SPIDR: variants seen among roughly 807,000 people sequenced by gnomAD.
SPIDR encodes the protein DNA repair-scaffolding protein.
Under a neutral mutation model 104.6 loss-of-function variants are expected in SPIDR, and 93 were observed. The ratio of observed to expected loss-of-function variants is 0.89; its 90% CI spans 0.75 to 1.06. SPIDR has a LOEUF of 1.06. SPIDR is among the 50% of genes least tolerant of loss of function. The probability of loss-of-function intolerance (pLI) is 0.00; values close to 1 mark genes in which losing one functional copy is unlikely to be tolerated. For synonymous variants in SPIDR, 431 were observed against 416.9 expected (o/e 1.03, Z -0.41); for missense variants, 1,154 against 1,111.2 (o/e 1.04, Z -0.55).
At chr8:47,269,131 C>T (rs1449415970) in intron 1 of SPIDR, among the ~76,000 whole-genome samples, 3 of 148,774 alleles carry the variant, frequency 2.0e-5, no homozygotes, top group Admixed American at 6.7e-5. Context: ...TGTGCTACTG[C>T]ACTCCAGCCT....
intron 8 of SPIDR, among the ~76,000 whole-genome samples, chr8:47,474,007 T>G (rs1395467788): frequency 3.3e-5 from 5 of 152,158 alleles, no homozygotes; most frequent in African/African-American, 1.2e-4. Flanking sequence ...GCTAAATTGG[T>G]GCCAAGCAGA....
intron 10 of SPIDR, among the ~76,000 whole-genome samples, chr8:47,666,795 G>A (rs920381873): frequency 1.3e-5 from 2 of 152,114 alleles, no homozygotes; most frequent in African/African-American, 4.8e-5. Context: ...AATGCAATAA[G>A]AGTTAATAAC....
intron 6 of SPIDR, among the ~76,000 whole-genome samples, chr8:47,397,294 G>A (rs1472220839): frequency 1.2e-4 from 18 of 152,110 alleles, no homozygotes; most frequent in Non-Finnish European, 7.4e-5. Context: ...TCAGGAGTTC[G>A]AGACCAGCCT....
At chr8:47,276,719 A>G (rs2036503620) in intron 1 of SPIDR, 3 of 152,236 alleles carry the variant, frequency 2.0e-5, no homozygotes. Context: ...GATGGCGTCA[A>G]GGTGAGGGAG....
rs1400841005 is a variant in SPIDR, at chr8:47,735,411, C to T, written c.2709C>T (p.Ile903=). ...CCAGCTGCATTGGATTGGAGGAAATCGAGCTTCTGAGTGCAGGAGGGGCCT... is the reference window on the plus strand; with the variant it reads ...CCAGCTGCATTGGATTGGAGGAAATTGAGCTTCTGAGTGCAGGAGGGGCCT... ...HPTSCIGLEE[I]ELLSAGGASA... Residue 903 remains isoleucine (I), a synonymous_variant, in exon 20 of 20, where the codon ATC becomes ATT. Coordinates refer to ENST00000297423, the MANE Select transcript of SPIDR (RefSeq NM_001080394.4). 1.9e-6 allele frequency: 3 copies of T among 1,614,016 alleles called. No individual in the cohort carries two copies. Among genetic ancestry groups the T allele is most frequent in the Non-Finnish European group, 2.5e-6 (3 of 1,180,036 alleles).
intron 11 of SPIDR, among the ~76,000 whole-genome samples, chr8:47,681,439 T>G (rs1002439890): frequency 6.6e-6 from 1 of 152,176 alleles, no homozygotes; most frequent in Non-Finnish European, 1.5e-5. Flanking sequence ...TTTCTTTGGA[T>G]TGGTTACATT....
At chr8:47,650,994 A>G (rs1013529528) in intron 10 of SPIDR, among the ~76,000 whole-genome samples, 3 of 152,228 alleles carry the variant, frequency 2.0e-5, no homozygotes, top group African/African-American at 7.2e-5. Flanking sequence ...GAAACCATAA[A>G]AATTCTAGAA....
At chr8:47,346,216 G>C (rs1340071335) in intron 5 of SPIDR, among the ~76,000 whole-genome samples, 1 of 152,182 alleles carries the variant, frequency 6.6e-6, no homozygotes, top group Non-Finnish European at 1.5e-5. Context: ...CATCTATTGA[G>C]ATAATCATGT....
intron 16 of SPIDR, among the ~76,000 whole-genome samples, chr8:47,721,581 C>T (rs919652476): frequency 6.6e-6 from 1 of 152,054 alleles, no homozygotes; most frequent in Non-Finnish European, 1.5e-5. Context: ...ACGCCATTCT[C>T]CTGCCTCAGC....
chr8:47,328,886 TC>T (rs1554602545), intron 5 of SPIDR, among the ~76,000 whole-genome samples: 1 of 152,094 alleles, frequency 6.6e-6, no homozygotes, highest in African/African-American at 2.4e-5. Context: ...AATATTTAGT[TC>T]TTCTAATGTC....
At chr8:47,427,921 CT>C (rs1332014791) in intron 7 of SPIDR, among the ~76,000 whole-genome samples, 3 of 151,968 alleles carry the variant, frequency 2.0e-5, no homozygotes, top group African/African-American at 4.8e-5. Flanking sequence ...TTTCTTTTTT[CT>C]TTTTTTCTTT....
At chr8:47,421,537 T>A (rs553261327) in intron 7 of SPIDR, among the ~76,000 whole-genome samples, 2 of 152,170 alleles carry the variant, frequency 1.3e-5, no homozygotes, top group Non-Finnish European at 2.9e-5. Flanking sequence ...GTTTTTAACT[T>A]CTTTGCCATG....
chr8:47,545,928 A>G lies in SPIDR; in HGVS notation c.1098-49883A>G, dbSNP rs549042826. Among the ~76,000 whole-genome samples the G allele has an allele frequency of 2.8e-3, 421 of 152,276 alleles. 1 individual carries two copies. The highest frequency in any genetic ancestry group is 9.9e-3 in the African/African-American group (411 of 41,564). On this transcript the variant is annotated intron_variant, in intron 8 of 19. Coordinates refer to ENST00000297423, the MANE Select transcript of SPIDR (RefSeq NM_001080394.4). ...TTTATAATTTAATGTGGTAGATTAC[A>G]TAGATTGATTTTCAAATGTTGAACT...
At chr8:47,706,858 C>CT in intron 14 of SPIDR, among the ~76,000 whole-genome samples, 1 of 152,162 alleles carries the variant, frequency 6.6e-6, no homozygotes. Context: ...TGCCTCACAC[C>CT]TTTAATCTCA....
intron 8 of SPIDR, among the ~76,000 whole-genome samples, chr8:47,496,130 A>T (rs1370363830): frequency 6.6e-6 from 1 of 152,122 alleles, no homozygotes; most frequent in Admixed American, 6.6e-5. Flanking sequence ...AGATTACGTC[A>T]TCTGCTAATA....
At chr8:47,634,774 C>G (rs1260888594) in intron 10 of SPIDR, among the ~76,000 whole-genome samples, 1 of 152,206 alleles carries the variant, frequency 6.6e-6, no homozygotes, top group Non-Finnish European at 1.5e-5. Flanking sequence ...CCACACCATC[C>G]TCTCACGCCT....
chr8:47,334,545 A>C (rs1243262648), intron 5 of SPIDR, among the ~76,000 whole-genome samples: 3 of 152,116 alleles, frequency 2.0e-5, no homozygotes, highest in Admixed American at 6.5e-5. Flanking sequence ...TCCTTGCTTT[A>C]AGTGTATTCT....
rs2049215561 is a variant in SPIDR at position 47,333,886 on chromosome 8, CATT to C, written c.525+39859_525+39861del. On this transcript the variant is annotated intron_variant, in intron 5 of 19. Transcript: ENST00000297423. ...GAGGTGTGTTCATTGACAAAAACAT[CATT>C]ATGTGGCATGTGACTGTATATGCGT... Among the ~76,000 whole-genome samples the C allele has an allele frequency of 2.0e-5, 3 of 152,172 alleles. No individual in the cohort carries two copies. In the South Asian group the frequency reaches 6.2e-4, roughly 32 times the overall value.
intron 7 of SPIDR, among the ~76,000 whole-genome samples, chr8:47,419,419 T>G (rs1311444444): frequency 1.3e-5 from 2 of 152,124 alleles, no homozygotes; most frequent in Non-Finnish European, 1.5e-5. Context: ...GGTGTCTATA[T>G]TATTCTCTGA....
Sources: allele counts gnomAD v4.1 joint callset (sites outside exome capture counted in the v4.1 genomes callset), GRCh38; gene constraint gnomAD v4.1.1; transcripts MANE v1.5; gene names NCBI Gene and HGNC (gene_info 2026-07-23, HGNC 2026-07-21).